The following ASNS variants were observed in gnomAD, a reference collection of about 807,000 sequenced individuals.
ASNS encodes asparagine synthetase [glutamine-hydrolyzing].
Under a neutral mutation model 62.6 loss-of-function variants are expected in ASNS, and 37 were observed. The observed-to-expected ratio is 0.59, with a 90% confidence interval of 0.45 to 0.78. The LOEUF is 0.78. Ranked by LOEUF, ASNS falls within the 30% of genes least tolerant of loss-of-function variation. The pLI, the probability that ASNS is intolerant of heterozygous loss-of-function variation, is 0.00. For missense variants in ASNS, 520 were observed against 682.4 expected (o/e 0.76, Z 2.65); for synonymous variants, 207 against 237.9 (o/e 0.87, Z 1.19).
the ASNS span, among the ~76,000 whole-genome samples, chr7:97,896,745 T>G: frequency 1.8e-4 from 12 of 66,412 alleles, 1 homozygote; most frequent in South Asian, 1.3e-3. Flanking sequence ...CACACACATA[T>G]ATATATATAT....
At chr7:97,885,837 T>G in the ASNS span, 3 of 342,574 alleles carry the variant, frequency 8.8e-6, no homozygotes, top group African/African-American at 6.3e-5. Flanking sequence ...CACAATCTAA[T>G]GTGTATTTGA....
chr7:97,913,726 T>G, the ASNS span, among the ~76,000 whole-genome samples: 3 of 151,184 alleles, frequency 2.0e-5, no homozygotes, highest in African/African-American at 7.3e-5. Flanking sequence ...TGTTCTCAAT[T>G]ACTAGAGCAG....
the ASNS span, among the ~76,000 whole-genome samples, chr7:97,923,082 G>A: frequency 0.04 from 6,083 of 152,024 alleles, 281 homozygotes; most frequent in African/African-American, 0.11. Flanking sequence ...GAGCCACTGC[G>A]CCTGGACAGA....
At chr7:97,870,652 T>C (rs1444853853) in intron 1 of ASNS, among the ~76,000 whole-genome samples, 1 of 152,248 alleles carries the variant, frequency 6.6e-6, no homozygotes, top group Non-Finnish European at 1.5e-5. Context: ...TGAGATTTAC[T>C]GGAAAAATTC....
rs1031066573 is a variant in ASNS at position 97,854,564 on chromosome 7, C to T, written c.1238+16G>A. ...TTTTTTTGTTTTTGTTTTACAATAGCCTCTAAAAATATTACCCATGGGCAG... is the reference window on the plus strand; with the variant it reads ...TTTTTTTGTTTTTGTTTTACAATAGTCTCTAAAAATATTACCCATGGGCAG... On this transcript the variant is annotated intron_variant, in intron 10 of 12. Transcript: ENST00000394308. 6.9e-6 allele frequency: 11 copies of T among 1,604,458 alleles called. No homozygotes were observed. The African/African-American group carries it at 1.3e-4, about 20-fold the overall frequency.
the ASNS span, among the ~76,000 whole-genome samples, chr7:97,913,316 C>T: frequency 6.6e-6 from 1 of 152,134 alleles, no homozygotes; most frequent in African/African-American, 2.4e-5. Flanking sequence ...TACTACCCAT[C>T]CCAGAAGTCT....
the ASNS span, among the ~76,000 whole-genome samples, chr7:97,890,326 A>C: frequency 6.6e-6 from 1 of 152,190 alleles, no homozygotes; most frequent in African/African-American, 2.4e-5. Flanking sequence ...AAATGCAGGA[A>C]GCTCAAAGAT....
chr7:97,859,185 G>A, intron 5 of ASNS, 28 bp downstream of exon 5: 2 of 1,573,786 alleles, frequency 1.3e-6, no homozygotes, highest in Non-Finnish European at 8.6e-7. Context: ...GGAGAAGGAT[G>A]GGGAATAGGT....
chr7:97,887,108 G>A, the ASNS span, among the ~76,000 whole-genome samples: 410 of 152,270 alleles, frequency 2.7e-3, 1 homozygote, highest in Middle Eastern at 6.8e-3. Flanking sequence ...TTTGCTTCCT[G>A]GGCTCCTGAA....
In ASNS at chr7:97,864,420, C is replaced by T; in HGVS notation, c.326G>A (p.Gly109Glu). 6.2e-7 allele frequency: 1 copy of T among 1,613,962 alleles called. No homozygotes were observed. Among genetic ancestry groups the T allele is most frequent in the Non-Finnish European group, 8.5e-7 (1 of 1,179,922 alleles). ...EIILHLYDKG[G>E]IEQTICMLDG... ...CAACATACAAATTGTTTGCTCAATT[C>T]CTCCTTTGTCATAAAGATGAAGGAT... Residue 109 changes from glycine to glutamate, a missense_variant, in exon 4 of 13, where the codon GGA (glycine) becomes GAA (glutamate). Gly to Glu is a moderately conservative substitution (Grantham distance 98). Transcript: ENST00000394308.
At chr7:97,877,004 A>G (rs1269293901), upstream of ASNS, among the ~76,000 whole-genome samples, 2 of 152,216 alleles carry the variant, frequency 1.3e-5, no homozygotes, top group African/African-American at 4.8e-5. Flanking sequence ...ATGGGGTTAA[A>G]GCATCCCTCT....
chr7:97,904,907 G>C, the ASNS span, among the ~76,000 whole-genome samples: 3 of 152,080 alleles, frequency 2.0e-5, no homozygotes, highest in Non-Finnish European at 4.4e-5. Flanking sequence ...ATGGTCCAAA[G>C]AACACCATTT....
chr7:97,852,354 C>T lies in ASNS; in HGVS notation c.1591G>A (p.Asp531Asn). ...VFERHYPGRA[D>N]WLSHYWMPKW... ...GGCATCCAGTAATGGCTCAGCCAGT[C>T]AGCCCGGCCTGGGTAATGGCGTTCA... The change falls in exon 13 of 13, where the codon GAC (aspartate) becomes AAC (asparagine). Residue 531 changes from aspartate to asparagine, a missense_variant. Physicochemically the swap from Asp to Asn is conservative, Grantham distance 23. Coordinates refer to ENST00000394308, the MANE Select transcript of ASNS (RefSeq NM_001673.5). The T allele has an allele frequency of 6.2e-7, 1 of 1,614,160 alleles. No homozygotes were observed. The highest frequency in any genetic ancestry group is 8.5e-7 in the Non-Finnish European group (1 of 1,180,042).
chr7:97,906,854 G>A, the ASNS span: 1 of 152,008 alleles, frequency 6.6e-6, no homozygotes, highest in African/African-American at 2.4e-5. Flanking sequence ...CACATCTAAA[G>A]TCAGGAGAAG....
the ASNS span, chr7:97,908,522 TC>T: frequency 6.6e-6 from 1 of 151,796 alleles, no homozygotes; most frequent in East Asian, 1.9e-4. Context: ...TGCCTCAGTC[TC>T]CCCCGTAGCT....
chr7:97,864,041 A>G (rs1252790488), intron 4 of ASNS: 1 of 489,754 alleles, frequency 2.0e-6, no homozygotes, highest in Non-Finnish European at 3.6e-6. Context: ...ACAGCAAAAA[A>G]TAAACGACTG....
At chr7:97,873,753 G>A (rs538970234), upstream of ASNS, among the ~76,000 whole-genome samples, 1 of 152,210 alleles carries the variant, frequency 6.6e-6, no homozygotes, top group East Asian at 1.9e-4. Flanking sequence ...CCTATGTAGT[G>A]AAAGACAGGT....
the ASNS span, among the ~76,000 whole-genome samples, chr7:97,921,663 C>T: frequency 6.6e-6 from 1 of 152,130 alleles, no homozygotes; most frequent in Admixed American, 6.5e-5. Flanking sequence ...CATCTCATGC[C>T]GAGGGACAAA....
At chr7:97,910,577 T>C in the ASNS span, among the ~76,000 whole-genome samples, 3 of 149,348 alleles carry the variant, frequency 2.0e-5, no homozygotes, top group Non-Finnish European at 4.4e-5. Flanking sequence ...GGAAATGGAG[T>C]GTCCTTTTAT....
Sources: allele counts gnomAD v4.1 joint callset (sites outside exome capture counted in the v4.1 genomes callset), GRCh38; gene constraint gnomAD v4.1.1; transcripts MANE v1.5; gene names NCBI Gene and HGNC (gene_info 2026-07-23, HGNC 2026-07-21).